PDE1C: variants seen among roughly 807,000 people sequenced by gnomAD.
PDE1C encodes dual specificity calcium/calmodulin-dependent 3',5'-cyclic nucleotide phosphodiesterase 1C.
PDE1C carries 62 observed loss-of-function variants against 93.1 expected under a neutral mutation model. The ratio of observed to expected loss-of-function variants is 0.67; its 90% CI spans 0.54 to 0.82. The LOEUF is 0.82. PDE1C is among the 40% of genes least tolerant of loss of function. The probability of loss-of-function intolerance (pLI) is 0.00; values close to 1 mark genes in which losing one functional copy is unlikely to be tolerated. For synonymous variants in PDE1C, 325 were observed against 310.1 expected (o/e 1.05, Z -0.50); for missense variants, 742 against 884.6 (o/e 0.84, Z 2.04).
chr7:32,380,064 C>A (rs765328561), intron 1 of PDE1C, among the ~76,000 whole-genome samples: 3 of 152,164 alleles, frequency 2.0e-5, no homozygotes, highest in African/African-American at 7.2e-5. Context: ...TCATTCCCAT[C>A]AGCACACACA....
intron 1 of PDE1C, among the ~76,000 whole-genome samples, chr7:32,277,895 T>C (rs1014633223): frequency 7.2e-5 from 11 of 152,176 alleles, no homozygotes; most frequent in Non-Finnish European, 1.6e-4. Context: ...CAACACGTAC[T>C]GGAAATTGGC....
chr7:32,245,968 C>CT (rs369247468), intron 1 of PDE1C, among the ~76,000 whole-genome samples: 1,932 of 94,804 alleles, frequency 0.02, 30 homozygotes, highest in African/African-American at 0.035. Context: ...TTTTTCTTTT[C>CT]TTTTTTTTTT....
the PDE1C span, among the ~76,000 whole-genome samples, chr7:31,691,227 G>C: frequency 6.6e-6 from 1 of 152,196 alleles, no homozygotes; most frequent in African/African-American, 2.4e-5. Context: ...TCAGCACATA[G>C]AGGAAGAGAC....
chr7:31,899,441 CG>C (rs1481197535), intron 2 of PDE1C, among the ~76,000 whole-genome samples: 1 of 152,072 alleles, frequency 6.6e-6, no homozygotes, highest in Non-Finnish European at 1.5e-5. Flanking sequence ...TGCGCCCGGC[CG>C]GACAGTCCCG....
chr7:32,275,720 G>A (rs986020929), intron 1 of PDE1C, among the ~76,000 whole-genome samples: 1 of 151,974 alleles, frequency 6.6e-6, no homozygotes, highest in Non-Finnish European at 1.5e-5. Flanking sequence ...GAAATGGGTT[G>A]TGGTTGCACA....
intron 2 of PDE1C, among the ~76,000 whole-genome samples, chr7:32,046,368 G>A (rs1792569172): frequency 6.6e-6 from 1 of 152,082 alleles, no homozygotes; most frequent in African/African-American, 2.4e-5. Context: ...AATACTGGAG[G>A]CTCACTTTAT....
intron 3 of PDE1C, among the ~76,000 whole-genome samples, chr7:32,086,455 A>G (rs1797081111): frequency 6.6e-6 from 1 of 152,224 alleles, no homozygotes; most frequent in South Asian, 2.1e-4. Context: ...ATTCAATGCC[A>G]TCCTCATCAA....
intron 2 of PDE1C, among the ~76,000 whole-genome samples, chr7:31,996,817 G>T (rs981330803): frequency 1.3e-5 from 2 of 152,138 alleles, no homozygotes; most frequent in African/African-American, 4.8e-5. Flanking sequence ...GAAAACTCAA[G>T]AAGTAGTTTA....
chr7:31,647,678 A>G, the PDE1C span, among the ~76,000 whole-genome samples: 2 of 88,526 alleles, frequency 2.3e-5, no homozygotes, highest in African/African-American at 9.2e-5. Flanking sequence ...CGTCTCAAAA[A>G]AAAAAAAAAA....
chr7:31,986,468 A>T (rs533851552), intron 2 of PDE1C, among the ~76,000 whole-genome samples: 5 of 152,116 alleles, frequency 3.3e-5, no homozygotes. Context: ...TGGTGGGGAC[A>T]TTTTTTTAAC....
rs146068650 is a variant in PDE1C, at chr7:31,800,815, G to A, written c.1891+8216C>T. On this transcript the variant is annotated intron_variant, in intron 16 of 17. Transcript: ENST00000396191. The stretch of plus-strand genomic sequence containing the variant: ...TAATTGAGATTGTATTGAACCTATA[G>A]ATCAACATGGGAAGAATTTACATGT... 2.3e-3 allele frequency among the ~76,000 whole-genome samples: 353 copies of A among 151,338 alleles called. 1 individual carries two copies. The highest frequency in any genetic ancestry group is 7.9e-3 in the African/African-American group (327 of 41,410).
At chr7:32,059,506 C>G (rs1165035183) in intron 1 of PDE1C, among the ~76,000 whole-genome samples, 7 of 152,202 alleles carry the variant, frequency 4.6e-5, no homozygotes, top group Admixed American at 1.3e-4. Flanking sequence ...CTTCACTGAT[C>G]TCCCTCCGCA....
the PDE1C span, among the ~76,000 whole-genome samples, chr7:31,693,896 C>T: frequency 6.6e-6 from 1 of 152,302 alleles, no homozygotes; most frequent in African/African-American, 2.4e-5. Context: ...TTTCTCCATA[C>T]TTATTCATAT....
intron 7 of PDE1C, among the ~76,000 whole-genome samples, chr7:31,860,479 T>A (rs1356051873): frequency 1.3e-5 from 2 of 152,218 alleles, no homozygotes; most frequent in African/African-American, 4.8e-5. Flanking sequence ...AGTTTATATA[T>A]CCTTAGATAC....
chr7:31,873,314 T>C lies in PDE1C; in HGVS notation c.587A>G (p.Tyr196Cys), dbSNP rs1296940832. ...GACCTTGAAACGGCTGATCAGATCA[T>C]AACGTGTGAGTAGTTCATAGAAAAT... ...KFIFYELLTR[Y>C]DLISRFKIPI... Residue 196 changes from tyrosine (Y) to cysteine (C), a missense_variant, in exon 6 of 18, where the codon TAT (tyrosine) becomes TGT (cysteine). Around this residue, in one of 4 missense-constraint regions of PDE1C, gnomAD observed 205 missense variants for 295.3 expected, o/e 0.69. Coordinates refer to ENST00000396191, the MANE Select transcript of PDE1C (RefSeq NM_001191057.4). 1.9e-6 allele frequency: 3 copies of C among 1,610,990 alleles called. No individual in the cohort carries two copies. The highest frequency in any genetic ancestry group is 1.7e-6 in the Non-Finnish European group (2 of 1,177,368).
intron 2 of PDE1C, among the ~76,000 whole-genome samples, chr7:31,918,947 G>T (rs1201274814): frequency 6.6e-6 from 1 of 152,158 alleles, no homozygotes; most frequent in Non-Finnish European, 1.5e-5. Flanking sequence ...AAACTGAATG[G>T]CATTGCTTTT....
chr7:31,930,622 C>T (rs914973788), intron 2 of PDE1C, among the ~76,000 whole-genome samples: 33 of 152,048 alleles, frequency 2.2e-4, no homozygotes, highest in African/African-American at 7.2e-4. Flanking sequence ...AGGCGGATCA[C>T]GAGGTCAGGA....
upstream of PDE1C, chr7:32,070,641 G>A (rs554078978): frequency 8.6e-6 from 12 of 1,389,492 alleles, no homozygotes; most frequent in South Asian, 1.8e-4. Context: ...CTAATGCCCA[G>A]GGATAAGCAC....
chr7:31,964,482 C>G (rs1809570623), intron 2 of PDE1C, among the ~76,000 whole-genome samples: 1 of 152,246 alleles, frequency 6.6e-6, no homozygotes, highest in Non-Finnish European at 1.5e-5. Context: ...GTGGAGACCA[C>G]CACAGCTCAA....
Sources: allele counts gnomAD v4.1 joint callset (sites outside exome capture counted in the v4.1 genomes callset), GRCh38; gene constraint gnomAD v4.1.1; regional missense constraint gnomAD v4.1.1; transcripts MANE v1.5; gene names NCBI Gene and HGNC (gene_info 2026-07-23, HGNC 2026-07-21).